Variants in THSD4 observed in about 807,000 individuals in gnomAD.
The protein encoded by THSD4 is thrombospondin type 1 domain containing 4.
Under a neutral mutation model 119.0 loss-of-function variants are expected in THSD4, and 69 were observed. That is an observed-to-expected ratio of 0.58 (90% CI 0.48 to 0.71). The LOEUF (loss-of-function observed/expected upper bound fraction) is 0.71. THSD4 is among the 30% of genes least tolerant of loss of function. The pLI, the probability that THSD4 is intolerant of heterozygous loss-of-function variation, is 0.00. For missense variants in THSD4, 1,393 were observed against 1,391.1 expected (o/e 1.00, Z -0.02); for synonymous variants, 524 against 540.4 (o/e 0.97, Z 0.42).
intron 6 of THSD4, among the ~76,000 whole-genome samples, chr15:71,312,751 T>TCCCCACCA (rs1488829269): frequency 6.6e-6 from 1 of 151,940 alleles, no homozygotes; most frequent in African/African-American, 2.4e-5. Context: ...ACTCCCCACT[T>TCCCCACCA]CCCCACCACC....
intron 15 of THSD4, among the ~76,000 whole-genome samples, chr15:71,762,178 C>G (rs2625537): frequency 0.13 from 18,921 of 147,534 alleles, 2,135 homozygotes; most frequent in East Asian, 0.4. Flanking sequence ...CACACACACA[C>G]AGAGATAGAG....
upstream of THSD4, chr15:71,110,994 C>T: frequency 1.3e-6 from 1 of 764,124 alleles, no homozygotes; most frequent in Non-Finnish European, 2.1e-6. Flanking sequence ...GCCAGCCCCG[C>T]CTTCTCCTTC....
At chr15:71,535,403 G>A (rs1477256172) in intron 7 of THSD4, among the ~76,000 whole-genome samples, 3 of 152,082 alleles carry the variant, frequency 2.0e-5, no homozygotes, top group Non-Finnish European at 2.9e-5. Flanking sequence ...TTTGAGTTAC[G>A]TCCATTTCGG....
intron 6 of THSD4, among the ~76,000 whole-genome samples, chr15:71,298,746 G>GA: frequency 6.6e-6 from 1 of 151,998 alleles, no homozygotes; most frequent in East Asian, 1.9e-4. Context: ...CTGAGTAGCT[G>GA]GGACTACAGG....
chr15:71,749,727 T>TTATTTATTTATTTATG (rs1357428937), intron 14 of THSD4, among the ~76,000 whole-genome samples: 1 of 149,510 alleles, frequency 6.7e-6, no homozygotes, highest in African/African-American at 2.5e-5. Flanking sequence ...ATTTATTTAT[T>TTATTTATTTATTTATG]TATTTATTTT....
rs2044163595 is a variant in THSD4, at chr15:71,242,723, C to T, written c.539C>T (p.Thr180Ile). 3.1e-6 allele frequency: 5 copies of T among 1,614,068 alleles called. No homozygotes were observed. Among genetic ancestry groups the T allele is most frequent in the Non-Finnish European group, 3.4e-6 (4 of 1,180,042 alleles). The change falls in exon 5 of 18, where the codon ACA becomes ATA. Residue 180 changes from threonine to isoleucine, a missense_variant. Coordinates refer to ENST00000261862, the MANE Select transcript of THSD4 (RefSeq NM_024817.3). ...GKAPYILPLQ[T>I]DTAHTPQRLR... ...GCCCCATATATCTTACCACTGCAGACAGACACTGCACACACGCCACAGAGG... is the reference window on the plus strand; with the variant it reads ...GCCCCATATATCTTACCACTGCAGATAGACACTGCACACACGCCACAGAGG...
intron 17 of THSD4, among the ~76,000 whole-genome samples, chr15:71,775,078 G>A (rs150873469): frequency 4.6e-5 from 7 of 151,778 alleles, no homozygotes; most frequent in African/African-American, 1.2e-4. Context: ...CCCGGGAGGC[G>A]GAGGTTGCGG....
At chr15:71,167,307 A>G (rs997304768) in intron 3 of THSD4, 1 of 152,224 alleles carries the variant, frequency 6.6e-6, no homozygotes, top group Non-Finnish European at 1.5e-5. Flanking sequence ...CAATTCTTCA[A>G]CTCTGCTTTT....
At chr15:71,162,623 G>A (rs563946564) in intron 3 of THSD4, among the ~76,000 whole-genome samples, 55 of 152,106 alleles carry the variant, frequency 3.6e-4, no homozygotes, top group Non-Finnish European at 6.8e-4. Flanking sequence ...TTTGGGGGTT[G>A]TATCTCACTG....
At chr15:71,111,523 A>T (rs2040305006), upstream of THSD4, 1 of 819,904 alleles carries the variant, frequency 1.2e-6, no homozygotes, top group Non-Finnish European at 1.9e-6. Context: ...CAGCAAGTTG[A>T]CCAACTCTCA....
chr15:71,520,245 G>A (rs2048420333), intron 7 of THSD4, among the ~76,000 whole-genome samples: 1 of 152,210 alleles, frequency 6.6e-6, no homozygotes, highest in African/African-American at 2.4e-5. Flanking sequence ...CTCTCACTAA[G>A]GGAGGGGTCG....
At chr15:71,545,700 A>G (rs966156221) in intron 7 of THSD4, among the ~76,000 whole-genome samples, 2 of 152,186 alleles carry the variant, frequency 1.3e-5, no homozygotes, top group Non-Finnish European at 2.9e-5. Flanking sequence ...GAACAGTAAC[A>G]ATGACTAAGA....
At chr15:71,447,307 G>A (rs2047199078) in intron 7 of THSD4, among the ~76,000 whole-genome samples, 1 of 151,776 alleles carries the variant, frequency 6.6e-6, no homozygotes, top group Non-Finnish European at 1.5e-5. Context: ...TTTTAGTAGA[G>A]ACAGGGTTTC....
At chr15:71,724,288 T>TATATATATATATATATATATATATA (rs1491162842) in intron 8 of THSD4, among the ~76,000 whole-genome samples, 9 of 31,468 alleles carry the variant, frequency 2.9e-4, no homozygotes, top group Admixed American at 4.1e-4. Context: ...TATATATATA[T>TATATATATATATATATATATATATA]TTTTTTTTTC....
chr15:71,258,147 A>G (rs2044342102), intron 6 of THSD4, among the ~76,000 whole-genome samples: 1 of 152,048 alleles, frequency 6.6e-6, no homozygotes, highest in Non-Finnish European at 1.5e-5. Context: ...TACCAGCGTT[A>G]ATGTCTTAGT....
At chr15:71,126,106 G>T (rs942440144) in intron 1 of THSD4, among the ~76,000 whole-genome samples, 2 of 152,224 alleles carry the variant, frequency 1.3e-5, no homozygotes, top group African/African-American at 4.8e-5. Context: ...TCACTAACTT[G>T]TTTGACGTCC....
intron 8 of THSD4, among the ~76,000 whole-genome samples, chr15:71,716,956 A>C (rs2141103988): frequency 6.6e-6 from 1 of 152,324 alleles, no homozygotes; most frequent in African/African-American, 2.4e-5. Flanking sequence ...GAGCCATAAA[A>C]GCTGAATTCT....
At chr15:71,777,107 T>A in intron 17 of THSD4, 125 bp from the exon 18 acceptor site, 1 of 1,097,676 alleles carries the variant, frequency 9.1e-7, no homozygotes, top group South Asian at 1.4e-5. Context: ...CACACATTCA[T>A]ACCCCACAAT....
rs368715572 is a variant in THSD4, at chr15:71,326,834, C to T, written c.1015+70119C>T. On this transcript the variant is annotated intron_variant, in intron 6 of 17. Coordinates refer to ENST00000261862, the MANE Select transcript of THSD4 (RefSeq NM_024817.3). Reference sequence around the variant, plus strand: ...GCTGCAGTGAGATATGATTATACCACTGCACTGAAGTTTGGATGCCAGAGC... The same window carrying T: ...GCTGCAGTGAGATATGATTATACCATTGCACTGAAGTTTGGATGCCAGAGC... 1.3e-3 allele frequency among the ~76,000 whole-genome samples: 189 copies of T among 148,094 alleles called. 11 individuals are homozygous for T. In the South Asian group the frequency reaches 0.041, roughly 32 times the overall value.
Sources: allele counts gnomAD v4.1 joint callset (sites outside exome capture counted in the v4.1 genomes callset), GRCh38; gene constraint gnomAD v4.1.1; transcripts MANE v1.5; gene names NCBI Gene and HGNC (gene_info 2026-07-23, HGNC 2026-07-21).